Variants in VAV2 observed in about 807,000 individuals in gnomAD.
VAV2 encodes the protein guanine nucleotide exchange factor VAV2.
VAV2 carries 67 observed loss-of-function variants against 132.5 expected under a neutral mutation model. The ratio of observed to expected loss-of-function variants is 0.51; its 90% CI spans 0.42 to 0.62. The LOEUF (loss-of-function observed/expected upper bound fraction) is 0.62, where lower values mean the gene tolerates loss of function less well. Ranked by LOEUF, VAV2 falls within the 20% of genes least tolerant of loss-of-function variation. The probability of loss-of-function intolerance (pLI) is 0.00; values close to 1 mark genes in which losing one functional copy is unlikely to be tolerated. For synonymous variants in VAV2, 492 were observed against 443.5 expected, an observed-to-expected ratio of 1.11 and a Z score of -1.37; for missense variants, 938 against 1,153.6, an observed-to-expected ratio of 0.81 and a Z score of 2.71.
chr9:133,952,522 G>T (rs1036498865), intron 1 of VAV2, among the ~76,000 whole-genome samples: 1 of 151,926 alleles, frequency 6.6e-6, no homozygotes, highest in African/African-American at 2.4e-5. Flanking sequence ...AGAATTACTT[G>T]AACCCAGGAG....
chr9:133,939,547 C>A (rs992729343), intron 1 of VAV2, among the ~76,000 whole-genome samples: 1 of 152,186 alleles, frequency 6.6e-6, no homozygotes, highest in Non-Finnish European at 1.5e-5. Flanking sequence ...CGCCACTCCC[C>A]GTAACCGTAG....
intron 2 of VAV2, among the ~76,000 whole-genome samples, chr9:133,913,414 C>G (rs1202686077): frequency 6.6e-6 from 1 of 152,190 alleles, no homozygotes; most frequent in Non-Finnish European, 1.5e-5. Context: ...AACCAAAGTC[C>G]TTGTCAGGGG....
At chr9:133,914,749 G>A in intron 2 of VAV2, among the ~76,000 whole-genome samples, 1 of 92,288 alleles carries the variant, frequency 1.1e-5, no homozygotes. Context: ...GGGAAGGGGA[G>A]GGGAGAGGAG....
chr9:133,836,815 C>T (rs1836490432), intron 3 of VAV2, among the ~76,000 whole-genome samples: 1 of 152,202 alleles, frequency 6.6e-6, no homozygotes, highest in African/African-American at 2.4e-5. Flanking sequence ...AGGAAACCCA[C>T]CCTAATGGTG....
chr9:133,932,620 G>T (rs904134077), intron 2 of VAV2, among the ~76,000 whole-genome samples: 3 of 152,200 alleles, frequency 2.0e-5, no homozygotes, highest in Non-Finnish European at 2.9e-5. Flanking sequence ...CCTCCAAGGG[G>T]ACAGTCTCAA....
chr9:133,904,055 T>C (rs1266986265), intron 2 of VAV2, among the ~76,000 whole-genome samples: 2 of 152,238 alleles, frequency 1.3e-5, no homozygotes, highest in African/African-American at 2.4e-5. Flanking sequence ...AAAATCCTCT[T>C]ACTGGGAAAG....
chr9:133,776,200 C>A, intron 23 of VAV2, 120 bp from the exon 24 acceptor site: 1 of 1,376,696 alleles, frequency 7.3e-7, no homozygotes, highest in Non-Finnish European at 9.7e-7. Flanking sequence ...AGGGGACTGT[C>A]TGTGGACTTA....
chr9:133,981,705 T>C (rs944726999), intron 1 of VAV2, among the ~76,000 whole-genome samples: 2 of 152,076 alleles, frequency 1.3e-5, no homozygotes, highest in Admixed American at 6.5e-5. Flanking sequence ...ACCAAGAAGA[T>C]GCTATGTGTG....
At chr9:133,887,856 C>A (rs1007224864) in intron 2 of VAV2, among the ~76,000 whole-genome samples, 1 of 151,502 alleles carries the variant, frequency 6.6e-6, no homozygotes, top group South Asian at 2.1e-4. Flanking sequence ...AAGGCTCCTG[C>A]GTGGCCAGCC....
chr9:133,790,979 T>C (rs1389678958), intron 13 of VAV2, among the ~76,000 whole-genome samples: 1 of 151,994 alleles, frequency 6.6e-6, no homozygotes, highest in Non-Finnish European at 1.5e-5. Flanking sequence ...TGGCATTACT[T>C]GAGGGGGTGG....
chr9:133,892,520 T>C (rs1028847852), intron 2 of VAV2, among the ~76,000 whole-genome samples: 3 of 151,696 alleles, frequency 2.0e-5, no homozygotes, highest in African/African-American at 7.3e-5. Flanking sequence ...ATCCCAGGGG[T>C]CAGCAAAAAT....
chr9:133,897,070 G>A (rs1839238587), intron 2 of VAV2, among the ~76,000 whole-genome samples: 1 of 152,148 alleles, frequency 6.6e-6, no homozygotes, highest in Non-Finnish European at 1.5e-5. Flanking sequence ...CTCCAGCCTG[G>A]GCGACAGAGC....
chr9:133,859,108 C>T (rs144704116), intron 3 of VAV2, among the ~76,000 whole-genome samples: 1 of 151,948 alleles, frequency 6.6e-6, no homozygotes, highest in African/African-American at 2.4e-5. Flanking sequence ...GGGGGTGGCC[C>T]GGAGGGAGGG....
At chr9:133,855,587 G>T (rs542952748) in intron 3 of VAV2, among the ~76,000 whole-genome samples, 4 of 152,186 alleles carry the variant, frequency 2.6e-5, no homozygotes, top group Non-Finnish European at 5.9e-5. Context: ...TGCACGAGCC[G>T]CATCTTAGGT....
chr9:133,772,805 A>ATAT (rs1833676763), intron 25 of VAV2, among the ~76,000 whole-genome samples: 3 of 152,044 alleles, frequency 2.0e-5, no homozygotes, highest in African/African-American at 7.3e-5. Context: ...TCACTGTACG[A>ATAT]ACGCCACGGA....
chr9:133,939,112 G>C lies in VAV2; in HGVS notation c.312C>G (p.Asp104Glu). The C allele has an allele frequency of 1.9e-6, 3 of 1,614,166 alleles. No homozygotes were observed. Among genetic ancestry groups the C allele is most frequent in the Non-Finnish European group, 2.5e-6 (3 of 1,179,970 alleles). ...GAGAGTGACTGCTCACCTTTCCAAA[G>C]TCTCGCACATCGAAGAGGTCAAAGG... ...FDPFDLFDVR[D>E]FGKVISAVSR... The change falls in exon 2 of 30, where the codon GAC (aspartate) becomes GAG (glutamate). Residue 104 changes from aspartate (D) to glutamate (E), a missense_variant. Asp to Glu is a conservative substitution (Grantham distance 45, BLOSUM62 2). Transcript: ENST00000371850.
chr9:133,861,459 T>C, intron 2 of VAV2, 27 bp from the exon 3 acceptor site: 1 of 1,609,970 alleles, frequency 6.2e-7, no homozygotes, highest in Non-Finnish European at 8.5e-7. Flanking sequence ...GAGACGCTCC[T>C]GTAATTTCAC....
chr9:133,857,861 G>T lies in VAV2; in HGVS notation c.380+3513C>A, dbSNP rs185328290. On this transcript the variant is annotated intron_variant, in intron 3 of 29. Transcript: ENST00000371850. The surrounding 1 kb of genome is among the most constrained non-coding windows in gnomAD (Gnocchi z 4.0). ...GACCCAGGAAAAGTCCCAGAGTGGG[G>T]CTCAGAGGAGGGAGGGTGGAGGAGA... is the stretch of plus-strand genomic sequence containing the variant. 3.2e-4 allele frequency among the ~76,000 whole-genome samples: 49 copies of T among 152,332 alleles called. No individual in the cohort carries two copies. The highest frequency in any genetic ancestry group is 2.9e-3 in the Admixed American group (45 of 15,308).
intron 2 of VAV2, among the ~76,000 whole-genome samples, chr9:133,911,753 T>A (rs1839893560): frequency 6.6e-6 from 1 of 152,164 alleles, no homozygotes; most frequent in Non-Finnish European, 1.5e-5. Context: ...GTAAGCGCAT[T>A]AAACAAGGTC....
Sources: gnomAD v4.1 joint callset for allele counts (sites outside exome capture counted in the v4.1 genomes callset) on GRCh38, gnomAD v4.1.1 for gene constraint, Gnocchi (gnomAD v3.1) non-coding constraint, MANE v1.5 for transcripts, NCBI Gene and HGNC (gene_info 2026-07-23, HGNC 2026-07-21) for gene names.